SCP2: variants seen among roughly 807,000 people sequenced by gnomAD.
The protein encoded by SCP2 is sterol carrier protein 2.
Under a neutral mutation model 71.4 loss-of-function variants are expected in SCP2, and 48 were observed. The observed-to-expected ratio is 0.67, with a 90% CI of 0.53 to 0.86. SCP2 has a LOEUF of 0.86. SCP2 is among the 40% of genes least tolerant of loss of function. The pLI, the probability that SCP2 is intolerant of heterozygous loss-of-function variation, is 0.00. For missense variants in SCP2, 560 were observed against 655.6 expected (o/e 0.85, Z 1.59); for synonymous variants, 220 against 218.1 (o/e 1.01, Z -0.08).
chr1:53,043,106 A>C (rs1403437841), intron 14 of SCP2, among the ~76,000 whole-genome samples: 1 of 152,202 alleles, frequency 6.6e-6, no homozygotes, highest in Non-Finnish European at 1.5e-5. Context: ...CCTATCCCCA[A>C]GGTAAACTAG....
chr1:52,961,062 G>A (rs1474471763), intron 5 of SCP2, among the ~76,000 whole-genome samples: 1 of 137,168 alleles, frequency 7.3e-6, no homozygotes, highest in Non-Finnish European at 1.5e-5. Context: ...TATTTCCTTT[G>A]GTTCTTTTTT....
At chr1:52,939,595 G>C (rs541099064) in intron 1 of SCP2, among the ~76,000 whole-genome samples, 56 of 152,260 alleles carry the variant, frequency 3.7e-4, no homozygotes, top group African/African-American at 1.3e-3. Flanking sequence ...TTTTTATATG[G>C]ACATAAGTTT....
intron 4 of SCP2, 127 bp from the exon 5 acceptor site, chr1:52,954,613 C>T (rs1655626675): frequency 2.5e-6 from 2 of 806,684 alleles, no homozygotes; most frequent in Admixed American, 1.9e-5. Context: ...ATCTCCCAAA[C>T]TGATGGGACT....
At chr1:52,943,752 GTT>G (rs1654504254) in intron 2 of SCP2, 1 of 450,224 alleles carries the variant, frequency 2.2e-6, no homozygotes, top group South Asian at 1.8e-5. Flanking sequence ...TTGCGAATCA[GTT>G]TAGTGGACTT....
chr1:52,958,718 T>G (rs950368828), intron 5 of SCP2, among the ~76,000 whole-genome samples: 120 of 152,156 alleles, frequency 7.9e-4, no homozygotes, highest in Non-Finnish European at 2.1e-4. Flanking sequence ...TGGATTTGAT[T>G]TGTTAATTTT....
At chr1:52,995,901 A>G in intron 11 of SCP2, 7 of 1,492,612 alleles carry the variant, frequency 4.7e-6, no homozygotes, top group Non-Finnish European at 6.3e-6. Flanking sequence ...GAGGGCATGG[A>G]TGAGACGAGA....
intron 1 of SCP2, among the ~76,000 whole-genome samples, chr1:52,934,774 G>A (rs1019513498): frequency 2.7e-5 from 4 of 148,556 alleles, no homozygotes; most frequent in African/African-American, 9.8e-5. Context: ...CAACACGCCC[G>A]GCTAATTTTT....
At chr1:52,981,561 C>T (rs541010304) in intron 10 of SCP2, among the ~76,000 whole-genome samples, 9 of 151,262 alleles carry the variant, frequency 5.9e-5, no homozygotes, top group East Asian at 5.9e-4. Context: ...CTCAGCCTCC[C>T]GAGTATTACA....
At chr1:53,037,413 C>T (rs894400124) in intron 13 of SCP2, among the ~76,000 whole-genome samples, 2 of 151,946 alleles carry the variant, frequency 1.3e-5, no homozygotes, top group African/African-American at 4.8e-5. Context: ...GTGATCATAG[C>T]GTATTGACAT....
intron 11 of SCP2, among the ~76,000 whole-genome samples, chr1:53,006,083 A>G (rs1176696809): frequency 6.6e-6 from 1 of 152,216 alleles, no homozygotes; most frequent in Non-Finnish European, 1.5e-5. Context: ...CAGAGAAAAA[A>G]GAATAAAAAG....
chr1:53,007,364 C>T (rs1212830159), intron 11 of SCP2, among the ~76,000 whole-genome samples: 3 of 152,078 alleles, frequency 2.0e-5, no homozygotes, highest in East Asian at 3.9e-4. Flanking sequence ...CAAAATTGAC[C>T]ATGTAGTTGG....
intron 6 of SCP2, among the ~76,000 whole-genome samples, chr1:52,967,465 A>G (rs186130853): frequency 6.6e-6 from 1 of 152,224 alleles, no homozygotes. Context: ...TATTTTAACA[A>G]TGTAAATTTT....
At chr1:52,987,006 A>ATTTATTTTTTTTT (rs1659051614) in intron 10 of SCP2, among the ~76,000 whole-genome samples, 1 of 110,506 alleles carries the variant, frequency 9.0e-6, no homozygotes, top group African/African-American at 4.0e-5. Context: ...ATATATATAT[A>ATTTATTTTTTTTT]TTTTTTTTTT....
chr1:53,041,508 T>G (rs1663432212), intron 14 of SCP2, among the ~76,000 whole-genome samples: 2 of 152,026 alleles, frequency 1.3e-5, no homozygotes, highest in African/African-American at 4.8e-5. Flanking sequence ...AGTAGAAAAG[T>G]GAAGTCAGAG....
At chr1:52,933,535 T>A (rs2150097297) in intron 1 of SCP2, among the ~76,000 whole-genome samples, 1 of 152,364 alleles carries the variant, frequency 6.6e-6, no homozygotes, top group East Asian at 1.9e-4. Context: ...ACAGGGAACC[T>A]ACTCATTGTC....
intron 14 of SCP2, among the ~76,000 whole-genome samples, chr1:53,043,156 G>A (rs1269329902): frequency 6.6e-6 from 1 of 152,212 alleles, no homozygotes; most frequent in East Asian, 1.9e-4. Context: ...CCTGGGTTCA[G>A]ATCTAGGCTC....
At chr1:52,987,049 C>T (rs1262512521) in intron 10 of SCP2, among the ~76,000 whole-genome samples, 1 of 142,828 alleles carries the variant, frequency 7.0e-6, no homozygotes, top group East Asian at 2.1e-4. Flanking sequence ...GCTCTTGTCG[C>T]CCAGGGGTGC....
intron 11 of SCP2, chr1:52,995,869 C>T (rs1659899049): frequency 1.4e-6 from 2 of 1,397,648 alleles, no homozygotes; most frequent in East Asian, 2.3e-5. Flanking sequence ...CCTGGAAGGC[C>T]TTCCTCCACT....
chr1:52,995,950 C>T (rs1659907252), intron 11 of SCP2: 2 of 1,464,380 alleles, frequency 1.4e-6, no homozygotes, highest in South Asian at 3.3e-5. Flanking sequence ...GACCTCGTCT[C>T]TGAGTATCAG....
Sources: allele counts gnomAD v4.1 joint callset (sites outside exome capture counted in the v4.1 genomes callset), GRCh38; gene constraint gnomAD v4.1.1; transcripts MANE v1.5; gene names NCBI Gene and HGNC (gene_info 2026-07-23, HGNC 2026-07-21).